Variants in FBXL20 observed in about 807,000 individuals in gnomAD.
FBXL20 encodes F-box and leucine rich repeat protein 20, also known as F-box/LRR-repeat protein 20.
FBXL20 carries 11 observed loss-of-function variants against 64.0 expected under a neutral mutation model. That is an observed-to-expected ratio of 0.17 (90% CI 0.11 to 0.28). The LOEUF is 0.28. Among genes scored for constraint, FBXL20 ranks in the 10% least tolerant of loss-of-function variants. FBXL20 has a pLI of 1.00. For missense variants in FBXL20, 303 were observed against 526.2 expected (o/e 0.58, Z 4.15); for synonymous variants, 184 against 189.0 (o/e 0.97, Z 0.22).
At chr17:39,377,649 C>T (rs577804179) in intron 1 of FBXL20, among the ~76,000 whole-genome samples, 3 of 152,160 alleles carry the variant, frequency 2.0e-5, no homozygotes, top group Admixed American at 2.0e-4. Context: ...TACAGGCGCC[C>T]ACTACCACGC....
chr17:39,358,938 G>A (rs1265849733), intron 1 of FBXL20, among the ~76,000 whole-genome samples: 1 of 152,152 alleles, frequency 6.6e-6, no homozygotes, highest in East Asian at 1.9e-4. Flanking sequence ...ACAAGGGACC[G>A]ATAAGCACAT....
chr17:39,321,006 TTTTG>T (rs1158898386), intron 2 of FBXL20, among the ~76,000 whole-genome samples: 4 of 152,186 alleles, frequency 2.6e-5, no homozygotes, highest in East Asian at 3.8e-4. Context: ...TAAGTTCTTT[TTTTG>T]TTTTTTTCTC....
At chr17:39,372,806 G>C (rs973701332) in intron 1 of FBXL20, among the ~76,000 whole-genome samples, 25 of 151,564 alleles carry the variant, frequency 1.6e-4, no homozygotes, top group African/African-American at 6.0e-4. Flanking sequence ...TTTGTATTTA[G>C]TAGAGATGGG....
At chr17:39,279,271 G>A (rs558271969) in intron 9 of FBXL20, among the ~76,000 whole-genome samples, 1 of 152,300 alleles carries the variant, frequency 6.6e-6, no homozygotes, top group South Asian at 2.1e-4. Context: ...GGCTGAGGCA[G>A]GCAGATTGCT....
chr17:39,345,561 G>T (rs939258267), intron 1 of FBXL20, among the ~76,000 whole-genome samples: 6 of 134,842 alleles, frequency 4.4e-5, no homozygotes, highest in Non-Finnish European at 9.5e-5. Flanking sequence ...TTTTTTTTTT[G>T]AGAGAGTTTT....
At chr17:39,293,187 G>A (rs1277048154) in intron 6 of FBXL20, among the ~76,000 whole-genome samples, 2 of 151,588 alleles carry the variant, frequency 1.3e-5, no homozygotes, top group Non-Finnish European at 2.9e-5. Flanking sequence ...AGAGTGCTGA[G>A]CTGTGTTTTG....
intron 12 of FBXL20, among the ~76,000 whole-genome samples, chr17:39,266,991 G>T (rs910732194): frequency 6.6e-6 from 1 of 152,076 alleles, no homozygotes; most frequent in African/African-American, 2.4e-5. Context: ...GGTAGTTCAC[G>T]CTTGTAATCC....
intron 1 of FBXL20, among the ~76,000 whole-genome samples, chr17:39,389,281 T>C (rs2048113445): frequency 6.6e-6 from 1 of 152,128 alleles, no homozygotes. Flanking sequence ...TTTTAACCAG[T>C]CCTAGGAGAA....
chr17:39,393,766 T>C (rs2048157355), intron 1 of FBXL20, among the ~76,000 whole-genome samples: 1 of 152,208 alleles, frequency 6.6e-6, no homozygotes, highest in Non-Finnish European at 1.5e-5. Flanking sequence ...ATTTAAACTT[T>C]GCTGAATACC....
chr17:39,337,131 G>A lies in FBXL20; in HGVS notation c.104+6049C>T, dbSNP rs1157354716. On this transcript the variant is annotated intron_variant, in intron 2 of 14. Coordinates refer to ENST00000264658, the MANE Select transcript of FBXL20 (RefSeq NM_032875.3). Reference sequence around the variant, plus strand: ...CTGCCGAGTGCCTGGGATTGCAGGCGCGCGCCGCCACGCCTGACTGGTTTT... The same window carrying A: ...CTGCCGAGTGCCTGGGATTGCAGGCACGCGCCGCCACGCCTGACTGGTTTT... Among the ~76,000 whole-genome samples the A allele has an allele frequency of 8.5e-5, 13 of 152,256 alleles. No individual in the cohort carries two copies. The East Asian group carries it at 9.7e-4, about 11-fold the overall frequency.
rs1272370223 is a variant in FBXL20, at chr17:39,388,082, A to G, written c.42+13279T>C. ...ATTTATTGAGACCACTTATAATGCA[A>G]ATTTCACATTATTGAAATAATAAGT... On this transcript the variant is annotated intron_variant, in intron 1 of 14. Transcript: ENST00000264658. Among the ~76,000 whole-genome samples, 4 of 152,182 alleles carry G rather than the reference A, an allele frequency of 2.6e-5. No homozygotes were observed. In the East Asian group the frequency reaches 7.7e-4, roughly 29 times the overall value.
In FBXL20 at chr17:39,349,340, A is replaced by AG. The variant is rs1401510180; in HGVS notation, c.43-6100_43-6099insC. 6.0e-5 allele frequency among the ~76,000 whole-genome samples: 9 copies of AG among 149,064 alleles called. No homozygotes were observed. The East Asian group carries it at 1.4e-3, about 23-fold the overall frequency. On this transcript the variant is annotated intron_variant, in intron 1 of 14. Coordinates refer to ENST00000264658, the MANE Select transcript of FBXL20 (RefSeq NM_032875.3). ...ATTCCATCTCAAAAAAAAAAAAAAA[A>AG]AAAAAAAAAAAAGGCTGGGATTACA...
At chr17:39,301,152 T>C in intron 3 of FBXL20, 77 bp from the exon 4 acceptor site, 1 of 1,331,972 alleles carries the variant, frequency 7.5e-7, no homozygotes, top group African/African-American at 1.4e-5. Context: ...AAGTTCACAA[T>C]TCAACCAACT....
chr17:39,361,593 C>T (rs560445436), intron 1 of FBXL20, among the ~76,000 whole-genome samples: 3 of 151,874 alleles, frequency 2.0e-5, no homozygotes, highest in South Asian at 4.2e-4. Flanking sequence ...GTCAGGAGAT[C>T]GAGACCATCC....
chr17:39,279,350 T>C (rs1160821607), intron 9 of FBXL20, among the ~76,000 whole-genome samples: 1 of 150,826 alleles, frequency 6.6e-6, no homozygotes, highest in Non-Finnish European at 1.5e-5. Flanking sequence ...AATTAAAAAA[T>C]TAGCCAGGTG....
At chr17:39,398,110 C>T (rs925487789) in intron 1 of FBXL20, among the ~76,000 whole-genome samples, 3 of 147,846 alleles carry the variant, frequency 2.0e-5, no homozygotes, top group Non-Finnish European at 4.4e-5. Context: ...GGTGAAACCC[C>T]GTCTCTACTA....
intron 1 of FBXL20, among the ~76,000 whole-genome samples, chr17:39,370,288 C>T (rs867751637): frequency 1.5e-5 from 2 of 137,806 alleles, no homozygotes; most frequent in African/African-American, 2.8e-5. Context: ...ATCAGGAGTT[C>T]GAGACCAGCC....
At chr17:39,327,989 T>C (rs1713008808) in intron 2 of FBXL20, among the ~76,000 whole-genome samples, 1 of 152,148 alleles carries the variant, frequency 6.6e-6, no homozygotes, top group African/African-American at 2.4e-5. Flanking sequence ...GGCTCATGCC[T>C]GTAATCCCAG....
chr17:39,282,676 C>T, intron 8 of FBXL20, 53 bp downstream of exon 8: 2 of 1,612,860 alleles, frequency 1.2e-6, no homozygotes, highest in South Asian at 1.1e-5. Context: ...ATAAAGAGCT[C>T]ATGATTCATT....
Sources: allele counts gnomAD v4.1 joint callset (sites outside exome capture counted in the v4.1 genomes callset), GRCh38; gene constraint gnomAD v4.1.1; transcripts MANE v1.5; gene names NCBI Gene and HGNC (gene_info 2026-07-23, HGNC 2026-07-21).